Variants in NTNG1 observed in about 807,000 individuals in gnomAD.
The protein encoded by NTNG1 is netrin G1, also known as netrin-G1.
A neutral mutation model predicts 54.0 loss-of-function variants in NTNG1; 16 were observed. The observed-to-expected ratio is 0.30, with a 90% CI of 0.20 to 0.45. NTNG1 has a LOEUF of 0.45. Ranked by LOEUF, NTNG1 falls within the 20% of genes least tolerant of loss-of-function variation. The probability of loss-of-function intolerance (pLI) is 1.00; values close to 1 mark genes in which losing one functional copy is unlikely to be tolerated. For synonymous variants in NTNG1, 255 were observed against 263.1 expected (o/e 0.97, Z 0.30); for missense variants, 530 against 678.7 (o/e 0.78, Z 2.43).
At chr1:107,300,794 T>A (rs1666269665) in intron 2 of NTNG1, among the ~76,000 whole-genome samples, 2 of 152,188 alleles carry the variant, frequency 1.3e-5, no homozygotes, top group Admixed American at 1.3e-4. Context: ...ACAGAGTTAA[T>A]GTTAACATTT....
chr1:107,329,698 T>A (rs1668166812), intron 3 of NTNG1, among the ~76,000 whole-genome samples: 1 of 152,128 alleles, frequency 6.6e-6, no homozygotes, highest in Non-Finnish European at 1.5e-5. Flanking sequence ...CCAATTAGTC[T>A]CAATTATTGA....
At position 107,483,698 on chromosome 1, in the gene NTNG1, TA is replaced by T. The variant is rs35616615; in HGVS notation, c.*2861del. On this transcript the variant is annotated 3_prime_UTR_variant, in exon 8 of 8. Transcript: ENST00000370068. Reference sequence around the variant, plus strand: ...AATTCTTGGTATTTTTTCCCTTTGATAAATCCCTTAAAGTGGCTTAATGTAG... The same window carrying T: ...AATTCTTGGTATTTTTTCCCTTTGATAATCCCTTAAAGTGGCTTAATGTAG... Among the ~76,000 whole-genome samples, 52,266 of 152,020 alleles carry T rather than the reference TA, an allele frequency of 0.34. 9,454 individuals carry two copies. The highest frequency in any genetic ancestry group is 0.55 in the East Asian group (2,842 of 5,168).
chr1:107,440,689 G>A (rs1185955334), intron 7 of NTNG1, among the ~76,000 whole-genome samples: 1 of 152,050 alleles, frequency 6.6e-6, no homozygotes, highest in Non-Finnish European at 1.5e-5. Context: ...TGTTGACCTG[G>A]GGGCTTCTAA....
intron 2 of NTNG1, among the ~76,000 whole-genome samples, chr1:107,222,644 C>A (rs964468757): frequency 3.6e-4 from 55 of 152,082 alleles, no homozygotes; most frequent in African/African-American, 1.2e-3. Flanking sequence ...ATGATTGAAA[C>A]AATGCCCGTG....
intron 2 of NTNG1, among the ~76,000 whole-genome samples, chr1:107,322,895 G>T (rs1667733576): frequency 1.3e-5 from 2 of 151,966 alleles, no homozygotes; most frequent in African/African-American, 4.8e-5. Context: ...TTAGGATTCG[G>T]TTACATTAAT....
At chr1:107,336,157 G>A (rs1227221705) in intron 3 of NTNG1, among the ~76,000 whole-genome samples, 1 of 150,500 alleles carries the variant, frequency 6.6e-6, no homozygotes, top group Non-Finnish European at 1.5e-5. Flanking sequence ...AAAGTTAGTG[G>A]CGTCACTGGG....
chr1:107,451,626 G>A (rs17532072), intron 7 of NTNG1, among the ~76,000 whole-genome samples: 1 of 151,994 alleles, frequency 6.6e-6, no homozygotes, highest in Non-Finnish European at 1.5e-5. Context: ...TGTATTAGTC[G>A]TTGCAGCTAG....
intron 7 of NTNG1, among the ~76,000 whole-genome samples, chr1:107,468,141 C>T (rs1448102069): frequency 6.6e-6 from 1 of 152,076 alleles, no homozygotes; most frequent in Non-Finnish European, 1.5e-5. Context: ...GAAAAGTTAC[C>T]GCTGTGTGAT....
intron 2 of NTNG1, among the ~76,000 whole-genome samples, chr1:107,270,421 A>C (rs955490590): frequency 6.6e-6 from 1 of 152,190 alleles, no homozygotes; most frequent in Non-Finnish European, 1.5e-5. Flanking sequence ...CATCTCAGTA[A>C]CATCAGACAA....
At chr1:107,480,397 A>G (rs953101869) in intron 7 of NTNG1, among the ~76,000 whole-genome samples, 5 of 152,178 alleles carry the variant, frequency 3.3e-5, no homozygotes, top group African/African-American at 1.2e-4. Flanking sequence ...AAAAATCTAT[A>G]TGAAAAGGAC....
At chr1:107,153,644 T>C (rs1049033541) in intron 2 of NTNG1, among the ~76,000 whole-genome samples, 6 of 152,218 alleles carry the variant, frequency 3.9e-5, no homozygotes, top group Non-Finnish European at 8.8e-5. Context: ...TACCACTATA[T>C]CAAGTATTTC....
At chr1:107,332,450 T>A (rs949629136) in intron 3 of NTNG1, among the ~76,000 whole-genome samples, 1 of 152,104 alleles carries the variant, frequency 6.6e-6, no homozygotes, top group East Asian at 1.9e-4. Context: ...GAAGCTACAT[T>A]CTAGCTACAT....
At chr1:107,291,525 G>A (rs950594599) in intron 2 of NTNG1, among the ~76,000 whole-genome samples, 45 of 152,048 alleles carry the variant, frequency 3.0e-4, no homozygotes, top group Admixed American at 4.6e-4. Flanking sequence ...ATGTGTGTAC[G>A]TGTGTGTGTT....
chr1:107,376,144 G>A (rs1671216642), intron 3 of NTNG1, among the ~76,000 whole-genome samples: 2 of 152,152 alleles, frequency 1.3e-5, no homozygotes, highest in African/African-American at 4.8e-5. Context: ...TTGTAGGCTG[G>A]GCGCGGTGGC....
intron 6 of NTNG1, 35 bp downstream of exon 6, chr1:107,430,952 G>A: frequency 6.3e-7 from 1 of 1,599,842 alleles, no homozygotes; most frequent in Non-Finnish European, 8.5e-7. Flanking sequence ...ATTCTTCTGT[G>A]CCTTTTGAGC....
chr1:107,240,930 T>C, intron 2 of NTNG1, among the ~76,000 whole-genome samples: 1 of 152,236 alleles, frequency 6.6e-6, no homozygotes, highest in Non-Finnish European at 1.5e-5. Context: ...AGTTTCTTTT[T>C]TTGGGAGATG....
At chr1:107,198,745 A>G (rs1214444424) in intron 2 of NTNG1, among the ~76,000 whole-genome samples, 1 of 151,840 alleles carries the variant, frequency 6.6e-6, no homozygotes. Flanking sequence ...ATTATGTAAA[A>G]TGAGAACATT....
chr1:107,248,484 T>C (rs1662347026), intron 2 of NTNG1, among the ~76,000 whole-genome samples: 1 of 152,112 alleles, frequency 6.6e-6, no homozygotes, highest in South Asian at 2.1e-4. Flanking sequence ...TAACAAGGAG[T>C]TAATCTTACT....
chr1:107,163,208 G>A (rs1655536774), intron 2 of NTNG1, among the ~76,000 whole-genome samples: 1 of 152,098 alleles, frequency 6.6e-6, no homozygotes, highest in Non-Finnish European at 1.5e-5. Flanking sequence ...GACATTTAGA[G>A]CCAAGTGTTC....
Sources: allele counts gnomAD v4.1 joint callset (sites outside exome capture counted in the v4.1 genomes callset), GRCh38; gene constraint gnomAD v4.1.1; transcripts MANE v1.5; gene names NCBI Gene and HGNC (gene_info 2026-07-23, HGNC 2026-07-21).